The following ITIH5 variants were observed in gnomAD, a reference collection of about 807,000 sequenced individuals.
The protein encoded by ITIH5 is inter-alpha-trypsin inhibitor heavy chain H5.
A neutral mutation model predicts 77.5 loss-of-function variants in ITIH5; 65 were observed. The observed-to-expected ratio is 0.84, with a 90% CI of 0.69 to 1.03. The LOEUF (loss-of-function observed/expected upper bound fraction) is 1.03. ITIH5 is among the 50% of genes least tolerant of loss of function. The probability of loss-of-function intolerance (pLI) is 0.00; values close to 1 mark genes in which losing one functional copy is unlikely to be tolerated. For missense variants in ITIH5, 1,208 were observed against 1,213.1 expected (o/e 1.00, Z 0.06); for synonymous variants, 525 against 494.3 (o/e 1.06, Z -0.82).
chr10:7,622,386 T>C (rs1304801027), intron 5 of ITIH5: 2 of 152,168 alleles, frequency 1.3e-5, no homozygotes, highest in African/African-American at 4.8e-5. Flanking sequence ...CACAGAATCA[T>C]TGTTGAGATG....
intron 7 of ITIH5, among the ~76,000 whole-genome samples, chr10:7,609,214 G>C (rs1012968794): frequency 6.6e-6 from 1 of 152,184 alleles, no homozygotes; most frequent in African/African-American, 2.4e-5. Context: ...AGAAATGTAC[G>C]TAAAACCCTC....
At position 7,579,869 on chromosome 10, in the gene ITIH5, G is replaced by A. The variant is rs1832507772; in HGVS notation, c.1304C>T (p.Thr435Ile). ...EAARGQVCIF[T>I]IGIGNDVDFR... ...GTCCACGTCGTTGCCGATGCCAATG[G>A]TGAAGATGCAGACTTGGCCTCGGGC... The change falls in exon 9 of 14, where the codon ACC (threonine) becomes ATC (isoleucine). Residue 435 changes from threonine to isoleucine, a missense_variant. Transcript: ENST00000397146. 3 of 1,614,228 alleles carry A rather than the reference G, an allele frequency of 1.9e-6. No homozygotes were observed. The highest frequency in any genetic ancestry group is 1.7e-6 in the Non-Finnish European group (2 of 1,180,040).
intron 10 of ITIH5, among the ~76,000 whole-genome samples, chr10:7,574,160 A>T (rs1011082689): frequency 8.5e-5 from 13 of 152,244 alleles, no homozygotes; most frequent in African/African-American, 2.7e-4. Context: ...TAAATATTCA[A>T]TGAAAGAATA....
At chr10:7,607,624 G>C (rs1293745652) in intron 7 of ITIH5, among the ~76,000 whole-genome samples, 1 of 152,210 alleles carries the variant, frequency 6.6e-6, no homozygotes, top group Non-Finnish European at 1.5e-5. Context: ...GATCAGCCTG[G>C]CCAACATAGT....
chr10:7,610,772 G>A (rs1833228790), intron 7 of ITIH5, among the ~76,000 whole-genome samples: 1 of 152,226 alleles, frequency 6.6e-6, no homozygotes. Context: ...ACCACTCAAG[G>A]CAGCGAGGGG....
intron 7 of ITIH5, among the ~76,000 whole-genome samples, chr10:7,609,019 C>T (rs150393955): frequency 1.2e-4 from 19 of 152,272 alleles, no homozygotes; most frequent in African/African-American, 4.6e-4. Flanking sequence ...CACTGTGTTA[C>T]GGTCCATATG....
chr10:7,590,698 G>A (rs1476782050), intron 7 of ITIH5, among the ~76,000 whole-genome samples: 1 of 152,206 alleles, frequency 6.6e-6, no homozygotes, highest in Non-Finnish European at 1.5e-5. Context: ...GCGCTGCTGG[G>A]AAGCTCATTA....
chr10:7,660,626 T>C (rs1015422248), intron 1 of ITIH5, among the ~76,000 whole-genome samples: 5 of 152,172 alleles, frequency 3.3e-5, no homozygotes, highest in African/African-American at 9.7e-5. Context: ...ATTTGACTGA[T>C]AGGGGTTGTG....
chr10:7,586,197 G>T (rs1832676999), intron 7 of ITIH5, 128 bp from the exon 8 acceptor site: 8 of 774,454 alleles, frequency 1.0e-5, no homozygotes, highest in Non-Finnish European at 1.6e-5. Context: ...CTATGTAAAG[G>T]GCACTTGGCT....
At chr10:7,608,152 G>A (rs1205895224) in intron 7 of ITIH5, among the ~76,000 whole-genome samples, 1 of 152,198 alleles carries the variant, frequency 6.6e-6, no homozygotes, top group African/African-American at 2.4e-5. Flanking sequence ...GCCTTCATTT[G>A]TTCAGGGATT....
intron 1 of ITIH5, among the ~76,000 whole-genome samples, chr10:7,663,486 C>T (rs1195032713): frequency 6.6e-6 from 1 of 152,132 alleles, no homozygotes; most frequent in Non-Finnish European, 1.5e-5. Context: ...CTTGTGCAAG[C>T]CCCTAAAAAT....
At chr10:7,583,828 C>T (rs1832617936) in intron 8 of ITIH5, among the ~76,000 whole-genome samples, 1 of 152,198 alleles carries the variant, frequency 6.6e-6, no homozygotes, top group African/African-American at 2.4e-5. Context: ...AGAGGCCCTG[C>T]AGGGATTGGT....
intron 7 of ITIH5, among the ~76,000 whole-genome samples, chr10:7,589,483 A>AT (rs1832749582): frequency 6.6e-6 from 1 of 152,066 alleles, no homozygotes; most frequent in Non-Finnish European, 1.5e-5. Flanking sequence ...GCACTGCAGG[A>AT]TTTTTGCACC....
chr10:7,660,580 G>GA (rs894032491), intron 1 of ITIH5, among the ~76,000 whole-genome samples: 84 of 151,900 alleles, frequency 5.5e-4, no homozygotes, highest in African/African-American at 2.0e-3. Flanking sequence ...CTATAGGTGG[G>GA]AAAAAAAACC....
At position 7,616,555 on chromosome 10, in the gene ITIH5, C is replaced by T. The variant is rs74230011; in HGVS notation, c.823-457G>A. Reference sequence around the variant, plus strand: ...ATTAAAATGGAACATGGACCAAGCGCGGTGGCTCAGGCCGGTAATCCCAGT... The same window carrying T: ...ATTAAAATGGAACATGGACCAAGCGTGGTGGCTCAGGCCGGTAATCCCAGT... On this transcript the variant is annotated intron_variant, in intron 6 of 13. Transcript: ENST00000397146. Among the ~76,000 whole-genome samples, 72 of 152,230 alleles carry T rather than the reference C, an allele frequency of 4.7e-4. 1 individual carries two copies. The East Asian group carries it at 0.011, about 24-fold the overall frequency.
intron 6 of ITIH5, 81 bp downstream of exon 6, chr10:7,617,032 A>G: frequency 1.2e-6 from 1 of 810,410 alleles, no homozygotes; most frequent in Non-Finnish European, 1.8e-6. Context: ...TCTCTCCCTT[A>G]GGTAAATATT....
intron 12 of ITIH5, among the ~76,000 whole-genome samples, chr10:7,568,690 G>A (rs1317333420): frequency 1.3e-5 from 2 of 152,144 alleles, no homozygotes; most frequent in Non-Finnish European, 2.9e-5. Context: ...GAAGTGCCGG[G>A]GTGCCCACTC....
intron 12 of ITIH5, among the ~76,000 whole-genome samples, chr10:7,567,831 G>A (rs1832218847): frequency 1.3e-5 from 2 of 152,142 alleles, no homozygotes; most frequent in Admixed American, 6.5e-5. Context: ...CTGAGATGGT[G>A]CCACTTCACT....
intron 5 of ITIH5, among the ~76,000 whole-genome samples, chr10:7,628,555 T>C (rs1490959087): frequency 6.6e-6 from 1 of 152,020 alleles, no homozygotes; most frequent in Non-Finnish European, 1.5e-5. Flanking sequence ...ATACCATGTA[T>C]TCGTGTTGTG....
Sources: allele counts gnomAD v4.1 joint callset (sites outside exome capture counted in the v4.1 genomes callset), GRCh38; gene constraint gnomAD v4.1.1; transcripts MANE v1.5; gene names NCBI Gene and HGNC (gene_info 2026-07-23, HGNC 2026-07-21).